The following GOLGA5 variants were observed in gnomAD, a reference collection of about 807,000 sequenced individuals.
GOLGA5 encodes the protein golgin A5, also known as golgin subfamily A member 5.
GOLGA5 carries 50 observed loss-of-function variants against 93.5 expected under a neutral mutation model. That is an observed-to-expected ratio of 0.53 (90% CI 0.43 to 0.68). The LOEUF (loss-of-function observed/expected upper bound fraction) is 0.68. Ranked by LOEUF, GOLGA5 falls within the 30% of genes least tolerant of loss-of-function variation. The probability of loss-of-function intolerance (pLI) is 0.00; values close to 1 mark genes in which losing one functional copy is unlikely to be tolerated. For synonymous variants in GOLGA5, 312 were observed against 304.5 expected, an observed-to-expected ratio of 1.02 and a Z score of -0.26; for missense variants, 760 against 856.4, an observed-to-expected ratio of 0.89 and a Z score of 1.40.
intron 6 of GOLGA5, among the ~76,000 whole-genome samples, chr14:92,812,285 C>T (rs1885119394): frequency 6.6e-6 from 1 of 152,256 alleles, no homozygotes; most frequent in Admixed American, 6.5e-5. Context: ...TGCATTGATT[C>T]CATCTCCCAT....
chr14:92,804,445 A>G (rs1884938361), intron 2 of GOLGA5, among the ~76,000 whole-genome samples: 1 of 151,860 alleles, frequency 6.6e-6, no homozygotes, highest in African/African-American at 2.4e-5. Context: ...CTATTATCCA[A>G]CTACAGTAAT....
chr14:92,797,702 C>T lies in GOLGA5; in HGVS notation c.265C>T (p.Arg89Trp), dbSNP rs568247621. The T allele has an allele frequency of 6.7e-5, 108 of 1,614,052 alleles. No individual in the cohort carries two copies. In the East Asian group the frequency reaches 1.4e-3, roughly 21 times the overall value. ...CACTGCAAATGTGAAAGTAGGATCTCGGACACCAGTAGAGGCCTCTCATCC... is the reference window on the plus strand; with the variant it reads ...CACTGCAAATGTGAAAGTAGGATCTTGGACACCAGTAGAGGCCTCTCATCC... ...AGTANVKVGSRTPVEASHPVE... is the reference protein window; with the variant it reads ...AGTANVKVGSWTPVEASHPVE... Residue 89 changes from arginine (R) to tryptophan (W), a missense_variant, in exon 2 of 13, where the codon CGG becomes TGG. Physicochemically the swap from Arg to Trp is moderately radical, Grantham distance 101 (BLOSUM62 -3). Coordinates refer to ENST00000163416, the MANE Select transcript of GOLGA5 (RefSeq NM_005113.4).
Position 92,819,778 on chromosome 14 carries a change from T to G in GOLGA5, c.1562T>G (p.Ile521Arg). The G allele has an allele frequency of 5.6e-6, 9 of 1,613,946 alleles. No homozygotes were observed. The highest frequency in any genetic ancestry group is 7.6e-6 in the Non-Finnish European group (9 of 1,179,868). Residue 521 changes from isoleucine (I) to arginine (R), a missense_variant, in exon 8 of 13, where the codon ATA becomes AGA. Physicochemically the swap from Ile to Arg is moderately conservative, Grantham distance 97 (BLOSUM62 -3). Coordinates refer to ENST00000163416, the MANE Select transcript of GOLGA5 (RefSeq NM_005113.4). ...REQLQDLHDQIAGQKASKQEL... is the reference protein window; with the variant it reads ...REQLQDLHDQRAGQKASKQEL... ...CAGTTACAGGATCTGCATGACCAAA[T>G]AGCTGGGCAGAAAGCATCCAAACAA...
At chr14:92,836,677 G>A (rs1299158437) in intron 11 of GOLGA5, among the ~76,000 whole-genome samples, 1 of 151,998 alleles carries the variant, frequency 6.6e-6, no homozygotes, top group African/African-American at 2.4e-5. Context: ...TTCTAGATTA[G>A]CTATTTGCAG....
At chr14:92,825,273 T>C (rs542200788) in intron 9 of GOLGA5, among the ~76,000 whole-genome samples, 25 of 152,360 alleles carry the variant, frequency 1.6e-4, no homozygotes, top group Middle Eastern at 3.4e-3. Context: ...GTTTGAACTA[T>C]GAAAAGTCAA....
At chr14:92,797,331 G>A in intron 1 of GOLGA5, 77 bp from the exon 2 acceptor site, 1 of 816,428 alleles carries the variant, frequency 1.2e-6, no homozygotes, top group Non-Finnish European at 1.9e-6. Flanking sequence ...AGGATTGCCT[G>A]ACTCCAGAGT....
chr14:92,834,184 C>CTTTTTTTTT (rs35449807), intron 10 of GOLGA5, among the ~76,000 whole-genome samples: 60 of 134,926 alleles, frequency 4.4e-4, no homozygotes, highest in Non-Finnish European at 6.4e-4. Context: ...TAGGTTTCAC[C>CTTTTTTTTT]TTTTTTTTTT....
At chr14:92,817,265 A>G (rs1416513888) in intron 7 of GOLGA5, among the ~76,000 whole-genome samples, 1 of 152,202 alleles carries the variant, frequency 6.6e-6, no homozygotes, top group Non-Finnish European at 1.5e-5. Flanking sequence ...TAAGTTGACC[A>G]TAAAGTTATG....
rs1198992050 is a variant in GOLGA5, at chr14:92,797,585, A to G, written c.148A>G (p.Thr50Ala). 16 of 1,613,648 alleles carry G rather than the reference A, an allele frequency of 9.9e-6. 1 individual carries two copies. In the Admixed American group the frequency reaches 2.7e-4, roughly 27 times the overall value. The change falls in exon 2 of 13, where the codon ACA (threonine) becomes GCA (alanine). Residue 50 changes from threonine to alanine, a missense_variant. Transcript: ENST00000163416. ...CTATACTGAACTTCACCAGCAAAAT[A>G]CAGATTTGATATATCAGACTGGACC... ...TDYTELHQQN[T>A]DLIYQTGPKS...
intron 1 of GOLGA5, among the ~76,000 whole-genome samples, chr14:92,796,111 T>C (rs1337945772): frequency 1.3e-5 from 2 of 152,266 alleles, no homozygotes; most frequent in Non-Finnish European, 2.9e-5. Flanking sequence ...ACATGTACTT[T>C]AGATAAATTA....
chr14:92,823,538 C>CTGA (rs997017483), intron 8 of GOLGA5, among the ~76,000 whole-genome samples: 10 of 151,770 alleles, frequency 6.6e-5, no homozygotes, highest in African/African-American at 2.4e-4. Context: ...CGTCAACCTC[C>CTGA]TGAGTAGCTG....
Position 92,810,235 on chromosome 14 carries a change from A to G in GOLGA5, c.993-19A>G. The G allele has an allele frequency of 6.3e-7, 1 of 1,584,332 alleles. No homozygotes were observed. The highest frequency in any genetic ancestry group is 8.6e-7 in the Non-Finnish European group (1 of 1,159,226). On this transcript the variant is annotated intron_variant, in intron 4 of 12. Coordinates refer to ENST00000163416, the MANE Select transcript of GOLGA5 (RefSeq NM_005113.4). Reference sequence around the variant, plus strand: ...ACACTGTAGACATGAGTTATTTCACATGATGCATTTTCCTTTAGAATAATG... The same window carrying G: ...ACACTGTAGACATGAGTTATTTCACGTGATGCATTTTCCTTTAGAATAATG...
Position 92,839,645 on chromosome 14 carries a change from A to G in GOLGA5, c.*199A>G. On this transcript the variant is annotated 3_prime_UTR_variant, in exon 13 of 13. Coordinates refer to ENST00000163416, the MANE Select transcript of GOLGA5 (RefSeq NM_005113.4). ...AATGGTAAGAGTTTCTAAAACAGAC[A>G]ATAATTTAACAAGCTCAGCTCTGCT... The G allele has an allele frequency of 8.5e-6, 5 of 590,378 alleles. No individual in the cohort carries two copies. Among genetic ancestry groups the G allele is most frequent in the Non-Finnish European group, 1.5e-5 (5 of 332,798 alleles). 36.6% of individuals were successfully genotyped at this position (590,378 alleles called of 1,614,324 possible). A position where few individuals can be genotyped will look rare whatever the true frequency, so the allele number is the denominator to read the frequency against.
Position 92,795,245 on chromosome 14 carries a change from G to A in GOLGA5, c.-31+789G>A, listed in dbSNP as rs146259722. On this transcript the variant is annotated intron_variant, in intron 1 of 12. Coordinates refer to ENST00000163416, the MANE Select transcript of GOLGA5 (RefSeq NM_005113.4). ...TGAGCCACAGTGCCTGGCCTGTATGGTGTTCTGTATGTTACAGAGCATTTC... is the reference window on the plus strand; with the variant it reads ...TGAGCCACAGTGCCTGGCCTGTATGATGTTCTGTATGTTACAGAGCATTTC... Among the ~76,000 whole-genome samples the A allele has an allele frequency of 5.2e-4, 79 of 152,290 alleles. 1 individual carries two copies. The highest frequency in any genetic ancestry group is 1.8e-3 in the African/African-American group (75 of 41,562).
At chr14:92,809,079 G>A (rs892579477) in intron 3 of GOLGA5, among the ~76,000 whole-genome samples, 8 of 152,158 alleles carry the variant, frequency 5.3e-5, no homozygotes, top group African/African-American at 1.7e-4. Context: ...TAGAAGAGCA[G>A]CTAGCTTCAC....
chr14:92,797,428 T>C lies in GOLGA5; in HGVS notation c.-10T>C, dbSNP rs760604591. The C allele has an allele frequency of 6.3e-7, 1 of 1,592,204 alleles. No individual in the cohort carries two copies. The highest frequency in any genetic ancestry group is 8.5e-7 in the Non-Finnish European group (1 of 1,169,852). On this transcript the variant is annotated 5_prime_UTR_variant, in exon 2 of 13. Coordinates refer to ENST00000163416, the MANE Select transcript of GOLGA5 (RefSeq NM_005113.4). ...TACAGGTTTGCCAATAGGATTATCC[T>C]GCTGCCATCATGTCTTGGTTTGTTG...
chr14:92,837,394 T>G lies in GOLGA5; in HGVS notation c.2060T>G (p.Leu687Arg). The change falls in exon 12 of 13, where the codon CTG becomes CGG. Residue 687 changes from leucine (L) to arginine (R), a missense_variant. By Grantham distance (102) the Leu-to-Arg change is moderately radical. Coordinates refer to ENST00000163416, the MANE Select transcript of GOLGA5 (RefSeq NM_005113.4). ...CACCTGTGTCTGCACAGTATTCGCC[T>G]GGGAATTTTTCTCCGAAGATACCCC... is the stretch of plus-strand genomic sequence containing the variant. ...ASSIDQFSIR[L>R]GIFLRRYPIA... The G allele has an allele frequency of 6.5e-7, 1 of 1,532,728 alleles. No homozygotes were observed. The highest frequency in any genetic ancestry group is 9.0e-7 in the Non-Finnish European group (1 of 1,106,432). The allele number at this position is 1,532,728 out of a possible 1,614,324, so 94.9% of individuals were successfully genotyped here.
Position 92,839,636 on chromosome 14 carries a change from A to G in GOLGA5, c.*190A>G. 1.7e-6 allele frequency: 1 copy of G among 593,504 alleles called. No homozygotes were observed. Among genetic ancestry groups the G allele is most frequent in the Non-Finnish European group, 3.0e-6 (1 of 334,570 alleles). 36.8% of individuals were successfully genotyped at this position (593,504 alleles called of 1,614,324 possible). A position where few individuals can be genotyped will look rare whatever the true frequency, so the allele number is the denominator to read the frequency against. On this transcript the variant is annotated 3_prime_UTR_variant, in exon 13 of 13. Coordinates refer to ENST00000163416, the MANE Select transcript of GOLGA5 (RefSeq NM_005113.4). Reference sequence around the variant, plus strand: ...TTTCCTTTAAATGGTAAGAGTTTCTAAAACAGACAATAATTTAACAAGCTC... The same window carrying G: ...TTTCCTTTAAATGGTAAGAGTTTCTGAAACAGACAATAATTTAACAAGCTC...
At chr14:92,823,634 T>A (rs1885359337) in intron 8 of GOLGA5, among the ~76,000 whole-genome samples, 2 of 151,954 alleles carry the variant, frequency 1.3e-5, no homozygotes, top group African/African-American at 4.8e-5. Flanking sequence ...AGGCTGGTCT[T>A]GAACTCCTGG....
Sources: gnomAD v4.1 joint callset for allele counts (sites outside exome capture counted in the v4.1 genomes callset) on GRCh38, gnomAD v4.1.1 for gene constraint, MANE v1.5 for transcripts, NCBI Gene and HGNC (gene_info 2026-07-23, HGNC 2026-07-21) for gene names.